The following GALNT11 variants were observed in gnomAD, a reference collection of about 807,000 sequenced individuals.
GALNT11 encodes the protein polypeptide N-acetylgalactosaminyltransferase 11.
Under a neutral mutation model 72.7 loss-of-function variants are expected in GALNT11, and 47 were observed. The observed-to-expected ratio is 0.65, with a 90% CI of 0.51 to 0.82. The LOEUF is 0.82. Among genes scored for constraint, GALNT11 ranks in the 40% least tolerant of loss-of-function variants. The pLI, the probability that GALNT11 is intolerant of heterozygous loss-of-function variation, is 0.00. For missense variants in GALNT11, 677 were observed against 778.4 expected, an observed-to-expected ratio of 0.87 and a Z score of 1.55; for synonymous variants, 270 against 286.6, an observed-to-expected ratio of 0.94 and a Z score of 0.58.
At chr7:152,064,159 T>C (rs901147290) in intron 1 of GALNT11, among the ~76,000 whole-genome samples, 8 of 152,188 alleles carry the variant, frequency 5.3e-5, no homozygotes, top group Non-Finnish European at 8.8e-5. Flanking sequence ...TGGGTGCATA[T>C]ATATTTAGGG....
At chr7:152,033,716 A>G (rs2082417276) in intron 1 of GALNT11, among the ~76,000 whole-genome samples, 4 of 152,166 alleles carry the variant, frequency 2.6e-5, no homozygotes, top group Admixed American at 2.6e-4. Context: ...TCTAGAACAC[A>G]GGTCAACAGA....
intron 1 of GALNT11, among the ~76,000 whole-genome samples, chr7:152,061,190 A>G (rs2083993428): frequency 6.6e-6 from 1 of 152,102 alleles, no homozygotes; most frequent in South Asian, 2.1e-4. Context: ...ATGGTATCTC[A>G]TTGTGGTTTT....
chr7:152,045,906 C>CT (rs745860142), intron 1 of GALNT11, among the ~76,000 whole-genome samples: 137 of 152,018 alleles, frequency 9.0e-4, no homozygotes, highest in Non-Finnish European at 1.6e-3. Flanking sequence ...AGTTTTTCTA[C>CT]TTTTTTGATG....
intron 1 of GALNT11, among the ~76,000 whole-genome samples, chr7:152,048,575 G>A (rs2083253931): frequency 6.6e-6 from 1 of 151,304 alleles, no homozygotes; most frequent in South Asian, 2.1e-4. Flanking sequence ...TGTCACCCAG[G>A]CTGGAGTGCA....
intron 8 of GALNT11, among the ~76,000 whole-genome samples, chr7:152,114,452 C>T (rs377040786): frequency 4.6e-5 from 7 of 152,260 alleles, no homozygotes; most frequent in South Asian, 2.1e-4. Flanking sequence ...TCATCCGTGC[C>T]GTTCCATGTA....
chr7:152,036,276 T>G (rs2151994950), intron 1 of GALNT11, among the ~76,000 whole-genome samples: 1 of 152,282 alleles, frequency 6.6e-6, no homozygotes, highest in Admixed American at 6.5e-5. Flanking sequence ...TTATCTAGTC[T>G]CTCTCTCCGT....
chr7:152,065,780 C>T (rs1251132291), intron 1 of GALNT11, among the ~76,000 whole-genome samples: 1 of 152,186 alleles, frequency 6.6e-6, no homozygotes, highest in African/African-American at 2.4e-5. Context: ...GTAAATGTTG[C>T]TGCCTGATTT....
At chr7:152,037,590 A>G (rs998680355) in intron 1 of GALNT11, among the ~76,000 whole-genome samples, 5 of 151,988 alleles carry the variant, frequency 3.3e-5, no homozygotes, top group African/African-American at 9.7e-5. Flanking sequence ...GTTATTCCAT[A>G]TAAGTTTTAG....
chr7:152,108,034 C>A lies in GALNT11; in HGVS notation c.713-4C>A. On this transcript the variant is annotated splice_polypyrimidine_tract_variant and splice_region_variant and intron_variant, in intron 5 of 11. Transcript: ENST00000430044. ...CTCCTGAGCCTCTGTTGTTTCCTCCCCAGGAGAAGTCCTTGTGTTCCTGGA... is the reference window on the plus strand; with the variant it reads ...CTCCTGAGCCTCTGTTGTTTCCTCCACAGGAGAAGTCCTTGTGTTCCTGGA... 1.2e-6 allele frequency: 2 copies of A among 1,604,456 alleles called. No individual in the cohort carries two copies. Among genetic ancestry groups the A allele is most frequent in the South Asian group, 1.1e-5 (1 of 90,572 alleles).
intron 1 of GALNT11, among the ~76,000 whole-genome samples, chr7:152,065,505 A>G (rs1335173980): frequency 6.6e-6 from 1 of 152,176 alleles, no homozygotes; most frequent in Non-Finnish European, 1.5e-5. Flanking sequence ...TTCCTTTGGA[A>G]GGGGAGAGGC....
chr7:152,084,076 G>A (rs866451828), intron 1 of GALNT11, among the ~76,000 whole-genome samples: 3 of 152,086 alleles, frequency 2.0e-5, no homozygotes, highest in Non-Finnish European at 4.4e-5. Flanking sequence ...TTTGGCTTAA[G>A]TAGCAGTAGG....
At chr7:152,109,585 A>G (rs1563078307) in intron 6 of GALNT11, among the ~76,000 whole-genome samples, 1 of 152,080 alleles carries the variant, frequency 6.6e-6, no homozygotes, top group Non-Finnish European at 1.5e-5. Context: ...ATAATTCCAT[A>G]TTTGAAACCC....
intron 1 of GALNT11, among the ~76,000 whole-genome samples, chr7:152,091,116 C>T (rs1446455137): frequency 2.3e-5 from 2 of 85,946 alleles, no homozygotes; most frequent in Non-Finnish European, 4.4e-5. Flanking sequence ...GGTGCGATCT[C>T]GGCTCACTGC....
intron 2 of GALNT11, among the ~76,000 whole-genome samples, chr7:152,099,453 T>C (rs1464369780): frequency 6.7e-6 from 1 of 149,954 alleles, no homozygotes; most frequent in Non-Finnish European, 1.5e-5. Context: ...AACCTCTGCC[T>C]TCCGGGTTTA....
intron 1 of GALNT11, among the ~76,000 whole-genome samples, chr7:152,064,919 C>T (rs568540569): frequency 2.0e-5 from 3 of 152,282 alleles, no homozygotes; most frequent in Admixed American, 6.5e-5. Flanking sequence ...GTGAATCCGC[C>T]AATTATGTGC....
At chr7:152,088,280 A>G (rs2085780699) in intron 1 of GALNT11, among the ~76,000 whole-genome samples, 1 of 152,196 alleles carries the variant, frequency 6.6e-6, no homozygotes, top group African/African-American at 2.4e-5. Flanking sequence ...CCAGATTTTT[A>G]GAGATGCTCT....
At chr7:152,045,508 C>G (rs2083077566) in intron 1 of GALNT11, among the ~76,000 whole-genome samples, 1 of 152,072 alleles carries the variant, frequency 6.6e-6, no homozygotes, top group African/African-American at 2.4e-5. Flanking sequence ...ATAGTTCAGT[C>G]TTGGCAGGTT....
chr7:152,118,775 C>A lies in GALNT11; in HGVS notation c.1550C>A (p.Pro517Gln), dbSNP rs143956410. ...VVLKACDYSD[P>Q]NQIWIYNEEH... Reference sequence around the variant, plus strand: ...CTTAAGGCCTGTGACTACAGTGACCCAAATCAGGTGAGTGACACCTCGGGG... The same window carrying A: ...CTTAAGGCCTGTGACTACAGTGACCAAAATCAGGTGAGTGACACCTCGGGG... The change falls in exon 10 of 12, where the codon CCA becomes CAA. Residue 517 changes from proline to glutamine, a missense_variant. Physicochemically the swap from Pro to Gln is moderately conservative, Grantham distance 76. Coordinates refer to ENST00000430044, the MANE Select transcript of GALNT11 (RefSeq NM_022087.4). 1.1e-5 allele frequency: 18 copies of A among 1,604,390 alleles called. No individual in the cohort carries two copies. In the African/African-American group the frequency reaches 2.3e-4, roughly 20 times the overall value.
At chr7:152,057,603 G>A (rs540732549) in intron 1 of GALNT11, among the ~76,000 whole-genome samples, 64 of 152,090 alleles carry the variant, frequency 4.2e-4, no homozygotes, top group African/African-American at 1.5e-3. Flanking sequence ...CACCGTGCCC[G>A]GCCAGAATTA....
Sources: allele counts gnomAD v4.1 joint callset (sites outside exome capture counted in the v4.1 genomes callset), GRCh38; gene constraint gnomAD v4.1.1; transcripts MANE v1.5; gene names NCBI Gene and HGNC (gene_info 2026-07-23, HGNC 2026-07-21).